Variants in PRRC2B observed in about 807,000 individuals in gnomAD.
The protein encoded by PRRC2B is proline rich coiled-coil 2B, also known as protein PRRC2B.
Under a neutral mutation model 242.3 loss-of-function variants are expected in PRRC2B, and 68 were observed. The ratio of observed to expected loss-of-function variants is 0.28; its 90% CI spans 0.23 to 0.34. PRRC2B has a LOEUF of 0.34. Ranked by LOEUF, PRRC2B falls within the 10% of genes least tolerant of loss-of-function variation. The probability of loss-of-function intolerance (pLI) is 1.00; values close to 1 mark genes in which losing one functional copy is unlikely to be tolerated. For synonymous variants in PRRC2B, 1,228 were observed against 1,173.6 expected (o/e 1.05, Z -0.95); for missense variants, 2,835 against 2,954.8 (o/e 0.96, Z 0.94).
At chr9:131,456,253 T>C (rs1175166627) in intron 10 of PRRC2B, among the ~76,000 whole-genome samples, 3 of 149,942 alleles carry the variant, frequency 2.0e-5, no homozygotes, top group Non-Finnish European at 4.4e-5. Context: ...TGGACTAGTT[T>C]AGTTTTGTTT....
intron 1 of PRRC2B, among the ~76,000 whole-genome samples, chr9:131,399,963 A>G (rs938162837): frequency 6.6e-6 from 1 of 152,150 alleles, no homozygotes; most frequent in African/African-American, 2.4e-5. Context: ...ATTATCTCCC[A>G]TAAGTGGAAT....
chr9:131,465,630 T>C (rs773309818), intron 12 of PRRC2B, among the ~76,000 whole-genome samples: 1 of 152,250 alleles, frequency 6.6e-6, no homozygotes, highest in Non-Finnish European at 1.5e-5. Flanking sequence ...TCTAGGACTT[T>C]AATAAAACCA....
chr9:131,420,260 AGTT>A (rs994457325), intron 1 of PRRC2B, among the ~76,000 whole-genome samples: 2 of 150,682 alleles, frequency 1.3e-5, no homozygotes, highest in African/African-American at 4.9e-5. Context: ...ATTCTTGGAG[AGTT>A]TGTGCAGTGT....
At chr9:131,406,255 T>G (rs1253759690) in intron 1 of PRRC2B, among the ~76,000 whole-genome samples, 1 of 152,158 alleles carries the variant, frequency 6.6e-6, no homozygotes, top group Non-Finnish European at 1.5e-5. Flanking sequence ...TCACCTTAAC[T>G]AGCAAGGGCC....
chr9:131,491,059 T>G (rs1414785146), intron 28 of PRRC2B: 1 of 241,308 alleles, frequency 4.1e-6, no homozygotes, highest in Non-Finnish European at 8.1e-6. Flanking sequence ...CCTTGTATGC[T>G]TTCAGTAAGC....
chr9:131,458,920 C>CT (rs371898108), intron 10 of PRRC2B, among the ~76,000 whole-genome samples: 18 of 152,174 alleles, frequency 1.2e-4, no homozygotes, highest in South Asian at 4.2e-4. Flanking sequence ...ATCATGAGGA[C>CT]TTTTTTTTGC....
At chr9:131,477,706 C>G (rs45451696) in intron 16 of PRRC2B, 38 bp from the exon 17 acceptor site, 84,221 of 1,346,820 alleles carry the variant, frequency 0.063, 3,177 homozygotes, top group Admixed American at 0.14. Context: ...TTCCCTCCTT[C>G]CCCAGCTCTG....
chr9:131,394,570 G>T (rs1045560548), intron 1 of PRRC2B, among the ~76,000 whole-genome samples: 1 of 149,894 alleles, frequency 6.7e-6, no homozygotes, highest in African/African-American at 2.4e-5. Flanking sequence ...CTCAGGGCTC[G>T]CCCGCCACCC....
Position 131,492,273 on chromosome 9 carries a change from C to T in PRRC2B, c.6473+13C>T, listed in dbSNP as rs780949096. 10 of 1,604,192 alleles carry T rather than the reference C, an allele frequency of 6.2e-6. No homozygotes were observed. Among genetic ancestry groups the T allele is most frequent in the Non-Finnish European group, 7.7e-6 (9 of 1,171,248 alleles). ...CACAGACCTACAGGTAAAGCCACTCCCTGGGGACTGCGTGCTGTGTAGCTG... is the reference window on the plus strand; with the variant it reads ...CACAGACCTACAGGTAAAGCCACTCTCTGGGGACTGCGTGCTGTGTAGCTG... On this transcript the variant is annotated intron_variant, in intron 30 of 31. Transcript: ENST00000683519.
intron 1 of PRRC2B, among the ~76,000 whole-genome samples, chr9:131,420,741 C>G (rs1406102602): frequency 6.6e-6 from 1 of 151,696 alleles, no homozygotes; most frequent in African/African-American, 2.4e-5. Context: ...CCTCAGCCTC[C>G]CAAAGTGCTA....
chr9:131,425,290 C>T (rs1445974730), intron 1 of PRRC2B, among the ~76,000 whole-genome samples: 1 of 151,214 alleles, frequency 6.6e-6, no homozygotes, highest in South Asian at 2.1e-4. Flanking sequence ...CTGACCTGAG[C>T]AAGGTTTTTT....
At chr9:131,456,441 C>CT (rs2131406757) in intron 10 of PRRC2B, among the ~76,000 whole-genome samples, 1 of 151,988 alleles carries the variant, frequency 6.6e-6, no homozygotes, top group African/African-American at 2.4e-5. Flanking sequence ...ACCATCCTGG[C>CT]TAACACAGTG....
At chr9:131,376,641 C>T (rs1836688937) in intron 1 of PRRC2B, among the ~76,000 whole-genome samples, 1 of 152,086 alleles carries the variant, frequency 6.6e-6, no homozygotes, top group South Asian at 2.1e-4. Context: ...GGGAGTGGAA[C>T]CAGGAGGTGA....
At chr9:131,495,493 G>C (rs1434201874) in intron 31 of PRRC2B, among the ~76,000 whole-genome samples, 2 of 152,166 alleles carry the variant, frequency 1.3e-5, no homozygotes, top group Non-Finnish European at 2.9e-5. Flanking sequence ...CTTTGTGGAG[G>C]ACCCGGTGTC....
At position 131,476,401 on chromosome 9, in the gene PRRC2B, G is replaced by A; in HGVS notation, c.4272G>A (p.Gln1424=). The A allele has an allele frequency of 1.2e-6, 2 of 1,608,232 alleles. No homozygotes were observed. The highest frequency in any genetic ancestry group is 1.3e-5 in the African/African-American group (1 of 74,984). Residue 1424 remains glutamine (Q), a synonymous_variant, in exon 16 of 32, where the codon CAG becomes CAA. Transcript: ENST00000683519. The part of the protein sequence containing the change: ...KELAKRSFSS[Q]RPVVDRQSRK... The stretch of plus-strand genomic sequence containing the variant: ...TGGCCAAGAGGAGCTTCTCCAGTCA[G>A]AGACCCGTGGTTGACAGACAGAGCC...
intron 10 of PRRC2B, among the ~76,000 whole-genome samples, chr9:131,455,664 C>T (rs997229497): frequency 5.9e-5 from 9 of 151,904 alleles, no homozygotes; most frequent in South Asian, 2.1e-4. Context: ...CACAGATGCA[C>T]GCCAGCATAC....
rs1032007061 is a variant in PRRC2B at position 131,494,302 on chromosome 9, C to G, written c.6474-103C>G. On this transcript the variant is annotated intron_variant, in intron 30 of 31. Transcript: ENST00000683519. The surrounding 1 kb of genome is among the most constrained non-coding windows in gnomAD (Gnocchi z 4.3). ...ACCGTCCCGAGTGAGCGCCTCTGGC[C>G]GCAGGCCCTTCCTTCCTTGTGCCTC... is the stretch of plus-strand genomic sequence containing the variant. 1.5e-6 allele frequency: 1 copy of G among 660,738 alleles called. No individual in the cohort carries two copies. The highest frequency in any genetic ancestry group is 2.7e-6 in the Non-Finnish European group (1 of 372,554). 40.9% of individuals were successfully genotyped at this position (660,738 alleles called of 1,614,324 possible). A position where few individuals can be genotyped will look rare whatever the true frequency, so the allele number is the denominator to read the frequency against.
At chr9:131,468,230 T>C (rs1943449014) in intron 13 of PRRC2B, among the ~76,000 whole-genome samples, 1 of 152,184 alleles carries the variant, frequency 6.6e-6, no homozygotes, top group Non-Finnish European at 1.5e-5. Context: ...GTTACAGATG[T>C]AGGTTTGCAG....
intron 18 of PRRC2B, 30 bp downstream of exon 18, chr9:131,478,649 G>GCCCCGGGGC: frequency 7.9e-6 from 4 of 504,552 alleles, no homozygotes; most frequent in East Asian, 5.1e-5. Context: ...GGGGCATGGG[G>GCCCCGGGGC]CTGGAGGGCA....
Sources: allele counts gnomAD v4.1 joint callset (sites outside exome capture counted in the v4.1 genomes callset), GRCh38; gene constraint gnomAD v4.1.1; non-coding constraint Gnocchi (gnomAD v3.1); transcripts MANE v1.5; gene names NCBI Gene and HGNC (gene_info 2026-07-23, HGNC 2026-07-21).